The following DPYD variants were observed in gnomAD, a reference collection of about 807,000 sequenced individuals.
DPYD encodes dihydropyrimidine dehydrogenase [NADP(+)].
In DPYD, 109 loss-of-function variants were observed where a neutral mutation model predicts 116.2. That is an observed-to-expected ratio of 0.94 (90% confidence interval 0.80 to 1.10). The LOEUF (loss-of-function observed/expected upper bound fraction) is 1.10, where lower values mean the gene tolerates loss of function less well. Among genes scored for constraint, DPYD ranks in the 50% least tolerant of loss-of-function variants. DPYD has a pLI of 0.00. For missense variants in DPYD, 1,302 were observed against 1,254.5 expected (o/e 1.04, Z -0.57); for synonymous variants, 440 against 432.0 (o/e 1.02, Z -0.23).
At chr1:97,391,308 A>C (rs1190569314) in intron 14 of DPYD, among the ~76,000 whole-genome samples, 2 of 151,878 alleles carry the variant, frequency 1.3e-5, no homozygotes, top group Non-Finnish European at 2.9e-5. Context: ...ATTTGTCCAA[A>C]ACCAAACTTA....
intron 8 of DPYD, among the ~76,000 whole-genome samples, chr1:97,655,165 T>C (rs180856067): frequency 3.9e-5 from 6 of 152,234 alleles, no homozygotes; most frequent in African/African-American, 1.4e-4. Context: ...CCTACTTGAA[T>C]ATACACAAGC....
At chr1:97,736,221 T>A (rs1434512580) in intron 4 of DPYD, among the ~76,000 whole-genome samples, 2 of 152,038 alleles carry the variant, frequency 1.3e-5, no homozygotes, top group African/African-American at 4.8e-5. Flanking sequence ...TAATTAGACT[T>A]CCATTCATTT....
intron 8 of DPYD, among the ~76,000 whole-genome samples, chr1:97,654,330 T>C (rs1332861645): frequency 1.3e-5 from 2 of 152,170 alleles, no homozygotes; most frequent in African/African-American, 4.8e-5. Context: ...ACTGACTCAT[T>C]AGGAGCCAAA....
intron 16 of DPYD, among the ~76,000 whole-genome samples, chr1:97,324,991 C>A (rs902839333): frequency 6.6e-6 from 1 of 152,048 alleles, no homozygotes; most frequent in Non-Finnish European, 1.5e-5. Flanking sequence ...TTTATCCCAA[C>A]TCAACTTTAC....
intron 7 of DPYD, among the ~76,000 whole-genome samples, chr1:97,683,580 T>C (rs1455295521): frequency 6.6e-6 from 1 of 151,864 alleles, no homozygotes; most frequent in Non-Finnish European, 1.5e-5. Flanking sequence ...TTTGAAAAAT[T>C]AGGATATAAA....
At chr1:97,632,015 G>A (rs189635598) in intron 8 of DPYD, among the ~76,000 whole-genome samples, 1 of 152,042 alleles carries the variant, frequency 6.6e-6, no homozygotes, top group African/African-American at 2.4e-5. Context: ...TGCCAAAAGT[G>A]CATAAGCAGA....
At chr1:97,573,712 T>C (rs1168889633) in intron 11 of DPYD, 48 bp downstream of exon 11, 1 of 1,609,342 alleles carries the variant, frequency 6.2e-7, no homozygotes, top group African/African-American at 1.3e-5. Flanking sequence ...ATTACAGCAC[T>C]AAAATAACAG....
At chr1:97,506,113 G>A (rs1647300020) in intron 13 of DPYD, among the ~76,000 whole-genome samples, 1 of 151,920 alleles carries the variant, frequency 6.6e-6, no homozygotes, top group Non-Finnish European at 1.5e-5. Context: ...TTAGGAAAAA[G>A]GAGCATACAG....
intron 21 of DPYD, among the ~76,000 whole-genome samples, chr1:97,094,202 T>G (rs1012820886): frequency 2.0e-5 from 3 of 152,064 alleles, no homozygotes; most frequent in Non-Finnish European, 4.4e-5. Flanking sequence ...CAGGAAAAGC[T>G]AAAATGTGAT....
chr1:97,630,101 A>C (rs1309822892), intron 8 of DPYD, among the ~76,000 whole-genome samples: 5 of 151,938 alleles, frequency 3.3e-5, no homozygotes, highest in Non-Finnish European at 5.9e-5. Flanking sequence ...AGTTTGTTTA[A>C]CCATTAGTCA....
chr1:97,661,960 C>T (rs1659284868), intron 8 of DPYD, among the ~76,000 whole-genome samples: 1 of 146,094 alleles, frequency 6.8e-6, no homozygotes, highest in Non-Finnish European at 1.5e-5. Flanking sequence ...TATTTTCACA[C>T]ATAGGAAATA....
At chr1:97,522,889 C>T (rs1362773667) in intron 12 of DPYD, among the ~76,000 whole-genome samples, 1 of 152,018 alleles carries the variant, frequency 6.6e-6, no homozygotes, top group Non-Finnish European at 1.5e-5. Flanking sequence ...ACATTTTTAT[C>T]TTTAATAATT....
At chr1:97,798,742 ATTG>A (rs1667708299) in intron 3 of DPYD, among the ~76,000 whole-genome samples, 2 of 151,982 alleles carry the variant, frequency 1.3e-5, no homozygotes, top group Admixed American at 1.3e-4. Context: ...GCTTGTTGTT[ATTG>A]TTATCTTTTA....
intron 12 of DPYD, among the ~76,000 whole-genome samples, chr1:97,530,839 T>G (rs1253262866): frequency 6.6e-6 from 1 of 152,210 alleles, no homozygotes; most frequent in East Asian, 1.9e-4. Context: ...TATCTCAATG[T>G]GGTTTTGATT....
intron 20 of DPYD, among the ~76,000 whole-genome samples, chr1:97,167,285 T>C (rs1167797573): frequency 6.6e-6 from 1 of 152,144 alleles, no homozygotes; most frequent in Non-Finnish European, 1.5e-5. Flanking sequence ...CTCGATTTTA[T>C]TTAGTGTGCT....
At chr1:97,159,022 C>T (rs1202285075) in intron 20 of DPYD, among the ~76,000 whole-genome samples, 1 of 151,980 alleles carries the variant, frequency 6.6e-6, no homozygotes, top group Admixed American at 6.6e-5. Context: ...TTACACAGTC[C>T]AGATACAATA....
intron 4 of DPYD, among the ~76,000 whole-genome samples, chr1:97,733,881 TCTTA>T (rs2101054357): frequency 1.3e-5 from 2 of 152,144 alleles, no homozygotes; most frequent in African/African-American, 4.8e-5. Flanking sequence ...TTCATTTACA[TCTTA>T]CTGACTAATA....
At chr1:97,566,549 A>T (rs888972202) in intron 11 of DPYD, among the ~76,000 whole-genome samples, 3 of 152,136 alleles carry the variant, frequency 2.0e-5, no homozygotes, top group African/African-American at 7.2e-5. Flanking sequence ...CCATTAGTCA[A>T]AAAGGTATCC....
rs1220857261 is a variant in DPYD, at chr1:97,428,753, C to A, written c.1905+21306G>T. ...ATAAATTGAAAATGAACATGTTGTC[C>A]AAAATTCAGCAAGTCCTTAAGTTTT... On this transcript the variant is annotated intron_variant, in intron 14 of 22. Coordinates refer to ENST00000370192, the MANE Select transcript of DPYD (RefSeq NM_000110.4). Among the ~76,000 whole-genome samples, 3 of 143,556 alleles carry A rather than the reference C, an allele frequency of 2.1e-5. No homozygotes were observed. The Admixed American group carries it at 2.2e-4, about 11-fold the overall frequency. The allele number at this position is 143,556 out of a possible 152,430, so 94.2% of individuals were successfully genotyped here. A position where few individuals can be genotyped will look rare whatever the true frequency, so the allele number is the denominator to read the frequency against.
Sources: allele counts gnomAD v4.1 joint callset (sites outside exome capture counted in the v4.1 genomes callset), GRCh38; gene constraint gnomAD v4.1.1; transcripts MANE v1.5; gene names NCBI Gene and HGNC (gene_info 2026-07-23, HGNC 2026-07-21).